Variants in CDH13 observed in about 807,000 individuals in gnomAD.
The protein encoded by CDH13 is cadherin-13.
In CDH13, 24 loss-of-function variants were observed where a neutral mutation model predicts 63.8. The ratio of observed to expected loss-of-function variants is 0.38; its 90% confidence interval spans 0.27 to 0.53. CDH13 has a LOEUF of 0.53. CDH13 is among the 20% of genes least tolerant of loss of function. The probability of loss-of-function intolerance (pLI) is 0.85; values close to 1 mark genes in which losing one functional copy is unlikely to be tolerated. For missense variants in CDH13, 1,049 were observed against 903.1 expected, an observed-to-expected ratio of 1.16 and a Z score of -2.07; for synonymous variants, 503 against 355.3, an observed-to-expected ratio of 1.42 and a Z score of -4.67.
At chr16:83,605,440 G>T (rs1908236271) in intron 8 of CDH13, among the ~76,000 whole-genome samples, 1 of 152,166 alleles carries the variant, frequency 6.6e-6, no homozygotes, top group Non-Finnish European at 1.5e-5. Flanking sequence ...GTAAGGAGGG[G>T]GCGCTGGAGC....
intron 10 of CDH13, chr16:83,728,970 C>A: frequency 6.5e-6 from 1 of 153,154 alleles, no homozygotes; most frequent in South Asian, 1.9e-4. Flanking sequence ...GCTGTGTCCT[C>A]ATGTAGCCTC....
intron 11 of CDH13, among the ~76,000 whole-genome samples, chr16:83,756,569 G>A (rs1412671970): frequency 1.3e-5 from 2 of 152,044 alleles, no homozygotes; most frequent in African/African-American, 4.8e-5. Context: ...TTTTTTTATA[G>A]CTCTTCAGCT....
intron 1 of CDH13, among the ~76,000 whole-genome samples, chr16:82,759,728 A>G (rs1195835457): frequency 6.6e-6 from 1 of 152,098 alleles, no homozygotes; most frequent in Non-Finnish European, 1.5e-5. Context: ...ACACCTCAAA[A>G]GAATAGAGAA....
At chr16:82,656,098 C>A (rs1302767631) in intron 1 of CDH13, among the ~76,000 whole-genome samples, 1 of 152,208 alleles carries the variant, frequency 6.6e-6, no homozygotes, top group Non-Finnish European at 1.5e-5. Flanking sequence ...GAAAGAGCAT[C>A]TGCCTTGGAC....
At chr16:82,681,470 G>T (rs561217502) in intron 1 of CDH13, among the ~76,000 whole-genome samples, 2 of 152,274 alleles carry the variant, frequency 1.3e-5, no homozygotes, top group East Asian at 3.9e-4. Flanking sequence ...GTCATTAATG[G>T]CCAATTTTAT....
chr16:83,799,307 AAAAAAAAAAAAAAG>A lies in CDH13; in HGVS notation c.*4281_*4294del, dbSNP rs1904301524. 1.0e-5 allele frequency: 1 copy of A among 95,424 alleles called. No homozygotes were observed. Among genetic ancestry groups the A allele is most frequent in the Non-Finnish European group, 2.3e-5 (1 of 43,272 alleles). 5.9% of individuals were successfully genotyped at this position (95,424 alleles called of 1,614,324 possible). ...ACAGAGCAAGACTCCGTCAAAAAAA[AAAAAAAAAAAAAAG>A]AAAGAAAAGGAAATTTATGAACTCC... On this transcript the variant is annotated 3_prime_UTR_variant, in exon 14 of 14. Coordinates refer to ENST00000567109, the MANE Select transcript of CDH13 (RefSeq NM_001257.5).
chr16:83,305,790 A>G (rs2089860468), intron 5 of CDH13, among the ~76,000 whole-genome samples: 1 of 152,194 alleles, frequency 6.6e-6, no homozygotes, highest in South Asian at 2.1e-4. Context: ...CAGATATTAT[A>G]CTGTAAAGCT....
rs117324907 is a variant in CDH13, at chr16:83,261,041, C to A, written c.636+43544C>A. 4.9e-4 allele frequency among the ~76,000 whole-genome samples: 74 copies of A among 152,052 alleles called. No individual in the cohort carries two copies. In the East Asian group the frequency reaches 0.014, roughly 28 times the overall value. Reference sequence around the variant, plus strand: ...CATGTCCTTTGGCCCTTGCAGTAGACCCTCACATTTCAGGGAAAGGATTTA... The same window carrying A: ...CATGTCCTTTGGCCCTTGCAGTAGAACCTCACATTTCAGGGAAAGGATTTA... On this transcript the variant is annotated intron_variant, in intron 5 of 13. Transcript: ENST00000567109.
intron 1 of CDH13, among the ~76,000 whole-genome samples, chr16:82,738,447 T>C (rs1167309084): frequency 6.6e-6 from 1 of 152,188 alleles, no homozygotes; most frequent in African/African-American, 2.4e-5. Context: ...TCTCACCCAT[T>C]CACCTTTCAA....
At chr16:82,958,983 C>G (rs911322825) in intron 2 of CDH13, among the ~76,000 whole-genome samples, 1 of 152,216 alleles carries the variant, frequency 6.6e-6, no homozygotes, top group Non-Finnish European at 1.5e-5. Flanking sequence ...TTACAACGTG[C>G]TTAGACTTCT....
intron 4 of CDH13, among the ~76,000 whole-genome samples, chr16:83,197,386 A>C (rs2038905677): frequency 1.3e-5 from 2 of 152,148 alleles, no homozygotes; most frequent in African/African-American, 4.8e-5. Context: ...TTTGTGGTGC[A>C]AATAATGCAA....
intron 10 of CDH13, among the ~76,000 whole-genome samples, chr16:83,688,093 C>A (rs553755472): frequency 6.6e-6 from 1 of 152,144 alleles, no homozygotes; most frequent in East Asian, 1.9e-4. Context: ...GTTAAAATGC[C>A]CAATTTCCAT....
chr16:83,632,117 A>T (rs185039598), intron 8 of CDH13, among the ~76,000 whole-genome samples: 1 of 152,316 alleles, frequency 6.6e-6, no homozygotes, highest in East Asian at 1.9e-4. Flanking sequence ...GGAGGAGGCA[A>T]GCAGGGAGGA....
intron 5 of CDH13, among the ~76,000 whole-genome samples, chr16:83,245,661 A>G (rs567395095): frequency 1.0e-3 from 155 of 152,380 alleles, no homozygotes; most frequent in African/African-American, 3.5e-3. Context: ...ACATAAGGTT[A>G]GAGCTTAAGC....
At chr16:83,236,299 T>A (rs1424173) in intron 5 of CDH13, among the ~76,000 whole-genome samples, 151,451 of 152,174 alleles carry the variant, frequency 1, 75,369 homozygotes, top group Middle Eastern at 1. Context: ...TTTAAGATAC[T>A]CTGCAAACTA....
At chr16:82,997,004 AGTGATG>A (rs1372270141) in intron 2 of CDH13, among the ~76,000 whole-genome samples, 48 of 123,446 alleles carry the variant, frequency 3.9e-4, no homozygotes, top group African/African-American at 1.5e-3. Flanking sequence ...TGATGATGAT[AGTGATG>A]GTGATGGTGA....
intron 2 of CDH13, among the ~76,000 whole-genome samples, chr16:82,945,411 A>G (rs1904596408): frequency 6.6e-6 from 1 of 152,208 alleles, no homozygotes; most frequent in South Asian, 2.1e-4. Context: ...CGAAATGGAT[A>G]TTAAGATGAT....
At chr16:82,874,704 A>T (rs905623919) in intron 2 of CDH13, among the ~76,000 whole-genome samples, 5 of 152,224 alleles carry the variant, frequency 3.3e-5, no homozygotes, top group Admixed American at 6.6e-5. Flanking sequence ...CTTGAAAAAC[A>T]GTTCAAAATA....
At chr16:83,207,594 C>T (rs2039220442) in intron 4 of CDH13, among the ~76,000 whole-genome samples, 1 of 152,156 alleles carries the variant, frequency 6.6e-6, no homozygotes, top group Admixed American at 6.5e-5. Flanking sequence ...AATGCTTATT[C>T]TTTCCGTGTG....
Sources: allele counts gnomAD v4.1 joint callset (sites outside exome capture counted in the v4.1 genomes callset), GRCh38; gene constraint gnomAD v4.1.1; transcripts MANE v1.5; gene names NCBI Gene and HGNC (gene_info 2026-07-23, HGNC 2026-07-21).